The following TPGS2 variants were observed in gnomAD, a reference collection of about 807,000 sequenced individuals.
The protein encoded by TPGS2 is polyglutamylase subunit 2.
Under a neutral mutation model 31.1 loss-of-function variants are expected in TPGS2, and 26 were observed. The observed-to-expected ratio is 0.84, with a 90% CI of 0.61 to 1.16. The LOEUF (loss-of-function observed/expected upper bound fraction) is 1.16, where lower values mean the gene tolerates loss of function less well. Among genes scored for constraint, TPGS2 ranks in the 50% most tolerant of loss-of-function variants. The probability of loss-of-function intolerance (pLI) is 0.00; values close to 1 mark genes in which losing one functional copy is unlikely to be tolerated. For synonymous variants in TPGS2, 130 were observed against 136.6 expected (o/e 0.95, Z 0.34); for missense variants, 351 against 363.8 (o/e 0.96, Z 0.29).
In TPGS2 at chr18:36,787,399, T is replaced by C. The variant is rs546698526; in HGVS notation, c.658-4268A>G. 1.6e-4 allele frequency among the ~76,000 whole-genome samples: 24 copies of C among 152,330 alleles called. No individual in the cohort carries two copies. In the South Asian group the frequency reaches 4.8e-3, roughly 30 times the overall value. ...AATGCTTTTAAGCCCTCACTGCTCT[T>C]TGGGGAGAGCGATCCCACTGGGGAA... On this transcript the variant is annotated intron_variant, in intron 6 of 6. Coordinates refer to the TPGS2 transcript ENST00000587129.
At chr18:36,803,038 A>G (rs2044914162) in intron 4 of TPGS2, among the ~76,000 whole-genome samples, 1 of 152,164 alleles carries the variant, frequency 6.6e-6, no homozygotes, top group Non-Finnish European at 1.5e-5. Flanking sequence ...TTGATGGAGA[A>G]CAACACGCTA....
intron 4 of TPGS2, among the ~76,000 whole-genome samples, chr18:36,804,254 T>C (rs917901275): frequency 6.6e-6 from 1 of 152,216 alleles, no homozygotes; most frequent in Admixed American, 6.5e-5. Context: ...CTAAAATGCA[T>C]GAATCTAGCA....
intron 1 of TPGS2, among the ~76,000 whole-genome samples, chr18:36,827,955 C>A (rs1254514215): frequency 1.3e-5 from 2 of 152,092 alleles, no homozygotes; most frequent in Non-Finnish European, 2.9e-5. Flanking sequence ...GCCTGTAATT[C>A]CAGCACTTTG....
chr18:36,782,927 C>T (rs1485312534), downstream of TPGS2: 4 of 394,260 alleles, frequency 1.0e-5, no homozygotes, highest in African/African-American at 4.1e-5. Context: ...TCTTCACCCT[C>T]GGAAATGCCT....
chr18:36,814,564 A>G (rs2045570399), intron 2 of TPGS2, among the ~76,000 whole-genome samples: 1 of 152,190 alleles, frequency 6.6e-6, no homozygotes, highest in African/African-American at 2.4e-5. Context: ...CACTGATTTC[A>G]AATTACTTAT....
At chr18:36,824,753 C>T (rs1340295360) in intron 1 of TPGS2, among the ~76,000 whole-genome samples, 1 of 152,048 alleles carries the variant, frequency 6.6e-6, no homozygotes, top group Non-Finnish European at 1.5e-5. Context: ...TCTGTAAGTT[C>T]CTTTTCATAT....
chr18:36,798,937 A>AG (rs999294194), intron 5 of TPGS2, among the ~76,000 whole-genome samples: 3 of 152,086 alleles, frequency 2.0e-5, no homozygotes, highest in African/African-American at 4.8e-5. Flanking sequence ...CTCCCCCGGT[A>AG]GGGGGGCGGA....
At chr18:36,814,707 T>C (rs2045579378) in intron 2 of TPGS2, among the ~76,000 whole-genome samples, 1 of 152,190 alleles carries the variant, frequency 6.6e-6, no homozygotes, top group Admixed American at 6.5e-5. Context: ...GTATAACATA[T>C]CTCAGTGAGC....
chr18:36,781,364 C>A (rs538369011), downstream of TPGS2, among the ~76,000 whole-genome samples: 1 of 152,268 alleles, frequency 6.6e-6, no homozygotes, highest in East Asian at 1.9e-4. Flanking sequence ...ACTTTTAAAA[C>A]CTCTGTAGGC....
At chr18:36,786,954 G>A (rs2044146569) in intron 6 of TPGS2, 12 of 1,234,398 alleles carry the variant, frequency 9.7e-6, no homozygotes, top group Non-Finnish European at 1.2e-5. Context: ...TCATGCTGCT[G>A]ACTCTTTGCT....
At chr18:36,828,291 C>T (rs1358440293) in intron 1 of TPGS2, among the ~76,000 whole-genome samples, 1 of 152,166 alleles carries the variant, frequency 6.6e-6, no homozygotes, top group Non-Finnish European at 1.5e-5. Context: ...AGGTCGGGTG[C>T]ATTACTTCCC....
chr18:36,784,779 G>A (rs768998746), intron 6 of TPGS2, among the ~76,000 whole-genome samples: 3 of 152,162 alleles, frequency 2.0e-5, no homozygotes, highest in Non-Finnish European at 2.9e-5. Context: ...AAGATAAGAC[G>A]TGATATATAC....
At position 36,795,015 on chromosome 18, in the gene TPGS2, T is replaced by C; in HGVS notation, c.*1790A>G. The C allele has an allele frequency of 1.0e-6, 1 of 985,424 alleles. No individual in the cohort carries two copies. Among genetic ancestry groups the C allele is most frequent in the Non-Finnish European group, 1.2e-6 (1 of 829,930 alleles). The allele number at this position is 985,424 out of a possible 1,614,324, so 61.0% of individuals were successfully genotyped here. A position where few individuals can be genotyped will look rare whatever the true frequency, so the allele number is the denominator to read the frequency against. ...TATGCTCCCAAAGACTCTTAAGCGC[T>C]GATATTTCAAGACTTTGAACTATTA... On this transcript the variant is annotated 3_prime_UTR_variant, in exon 7 of 7. Transcript: ENST00000334295.
rs2045769361 is a variant in TPGS2, at chr18:36,818,762, G to A, written c.165+132C>T. The A allele has an allele frequency of 3.8e-6, 3 of 799,266 alleles. No individual in the cohort carries two copies. The South Asian group carries it at 5.9e-5, about 16-fold the overall frequency. 49.5% of individuals were successfully genotyped at this position (799,266 alleles called of 1,614,324 possible). A position where few individuals can be genotyped will look rare whatever the true frequency, so the allele number is the denominator to read the frequency against. ...GTTAAGTGGGCTGAACAGGAACATAGAAAAGGTAAACTCTACCTTGAAAGC... is the reference window on the plus strand; with the variant it reads ...GTTAAGTGGGCTGAACAGGAACATAAAAAAGGTAAACTCTACCTTGAAAGC... On this transcript the variant is annotated intron_variant, in intron 2 of 6. Coordinates refer to ENST00000334295, the MANE Select transcript of TPGS2 (RefSeq NM_015476.4).
At chr18:36,784,225 T>A (rs1307087480) in intron 6 of TPGS2, among the ~76,000 whole-genome samples, 1 of 152,230 alleles carries the variant, frequency 6.6e-6, no homozygotes, top group Non-Finnish European at 1.5e-5. Flanking sequence ...CTCTAAGAAA[T>A]GATACAACCA....
downstream of TPGS2, among the ~76,000 whole-genome samples, chr18:36,790,638 T>C (rs1228893590): frequency 6.6e-6 from 1 of 152,254 alleles, no homozygotes; most frequent in Non-Finnish European, 1.5e-5. Flanking sequence ...CATCTTGCAT[T>C]ATGGCAGTTT....
chr18:36,805,663 C>A (rs894974832), intron 3 of TPGS2, among the ~76,000 whole-genome samples, 161 bp from the exon 4 acceptor site: 1 of 152,098 alleles, frequency 6.6e-6, no homozygotes, highest in Non-Finnish European at 1.5e-5. Flanking sequence ...ACTGCATATT[C>A]CAAAGTACCA....
At chr18:36,824,544 C>T (rs572765004) in intron 1 of TPGS2, among the ~76,000 whole-genome samples, 101 of 152,310 alleles carry the variant, frequency 6.6e-4, no homozygotes, top group African/African-American at 2.4e-3. Context: ...CTGTATCTGT[C>T]TTTTTGACTA....
chr18:36,806,808 G>A (rs1040439860), intron 3 of TPGS2, among the ~76,000 whole-genome samples: 12 of 127,548 alleles, frequency 9.4e-5, no homozygotes, highest in Admixed American at 3.8e-4. Context: ...CAGAGATCGC[G>A]CCACTGTACT....
Sources: allele counts gnomAD v4.1 joint callset (sites outside exome capture counted in the v4.1 genomes callset), GRCh38; gene constraint gnomAD v4.1.1; transcripts MANE v1.5; gene names NCBI Gene and HGNC (gene_info 2026-07-23, HGNC 2026-07-21).